Variants in RNF122 observed in about 807,000 individuals in gnomAD.
RNF122 encodes the protein ring finger protein 122.
A neutral mutation model predicts 24.2 loss-of-function variants in RNF122; 17 were observed. The observed-to-expected ratio is 0.70, with a 90% CI of 0.48 to 1.06. The LOEUF (loss-of-function observed/expected upper bound fraction) is 1.06, where lower values mean the gene tolerates loss of function less well. Ranked by LOEUF, RNF122 falls within the 50% of genes least tolerant of loss-of-function variation. The pLI is 0.00. For synonymous variants in RNF122, 65 were observed against 71.8 expected, an observed-to-expected ratio of 0.91 and a Z score of 0.48; for missense variants, 168 against 198.1, an observed-to-expected ratio of 0.85 and a Z score of 0.91.
chr8:33,556,197 A>G (rs1213917002), intron 2 of RNF122, among the ~76,000 whole-genome samples: 2 of 151,344 alleles, frequency 1.3e-5, no homozygotes, highest in African/African-American at 4.9e-5. Flanking sequence ...AAAAAAAAAA[A>G]AAAAAAAGAA....
chr8:33,566,925 A>T lies in RNF122; in HGVS notation c.-202T>A. The T allele has an allele frequency of 1.6e-6, 1 of 620,746 alleles. No individual in the cohort carries two copies. Among genetic ancestry groups the T allele is most frequent in the Non-Finnish European group, 2.9e-6 (1 of 347,296 alleles). The allele number at this position is 620,746 out of a possible 1,614,324, so 38.5% of individuals were successfully genotyped here. On this transcript the variant is annotated 5_prime_UTR_variant, in exon 1 of 6. Coordinates refer to ENST00000256257, the MANE Select transcript of RNF122 (RefSeq NM_024787.3). ...TTCAGCCCAACAAAGAGGGACGAGG[A>T]GGAAACAAACAAAGTCCCGCGGAGC... is the stretch of plus-strand genomic sequence containing the variant.
intron 1 of RNF122, among the ~76,000 whole-genome samples, chr8:33,563,365 A>G (rs1810569937): frequency 6.6e-6 from 1 of 152,246 alleles, no homozygotes; most frequent in Admixed American, 6.5e-5. Context: ...CCAGTCAACC[A>G]GCAAGTATTA....
chr8:33,559,088 G>A (rs1385590004), intron 1 of RNF122, among the ~76,000 whole-genome samples: 1 of 151,968 alleles, frequency 6.6e-6, no homozygotes, highest in African/African-American at 2.4e-5. Context: ...GTGATCTCGA[G>A]GCCAAGAGTT....
intron 2 of RNF122, among the ~76,000 whole-genome samples, chr8:33,552,985 C>A (rs926786189): frequency 6.6e-6 from 1 of 150,998 alleles, no homozygotes; most frequent in African/African-American, 2.4e-5. Flanking sequence ...GCATAAGCAT[C>A]GCTTGAACCC....
chr8:33,560,114 T>C (rs1810518490), intron 1 of RNF122, among the ~76,000 whole-genome samples: 1 of 152,116 alleles, frequency 6.6e-6, no homozygotes, highest in East Asian at 1.9e-4. Flanking sequence ...GGTGCTGGGA[T>C]TACAGGCATG....
chr8:33,566,565 G>A (rs925389368), intron 1 of RNF122, 134 bp downstream of exon 1: 4 of 864,934 alleles, frequency 4.6e-6, no homozygotes, highest in African/African-American at 3.4e-5. Flanking sequence ...GCGCCAAGAC[G>A]CCTTCTCGAC....
chr8:33,567,062 C>A lies in RNF122; in HGVS notation c.-339G>T. ...CCTCGGCCGGGGGAGGAGGGAAAAACCTTTGCCGGAGGCTCGGATCGGGTT... is the reference window on the plus strand; with the variant it reads ...CCTCGGCCGGGGGAGGAGGGAAAAAACTTTGCCGGAGGCTCGGATCGGGTT... On this transcript the variant is annotated 5_prime_UTR_variant, in exon 1 of 6. Transcript: ENST00000256257. 1 of 378,734 alleles carries A rather than the reference C, an allele frequency of 2.6e-6. No homozygotes were observed. The allele number at this position is 378,734 out of a possible 1,614,324, so 23.5% of individuals were successfully genotyped here.
intron 2 of RNF122, among the ~76,000 whole-genome samples, chr8:33,553,070 CAA>C (rs34104851): frequency 3.6e-4 from 37 of 103,448 alleles, no homozygotes; most frequent in Admixed American, 5.9e-4. Context: ...GACCCTGTCT[CAA>C]AAAAAAAAAA....
At chr8:33,560,150 C>G (rs771041918) in intron 1 of RNF122, among the ~76,000 whole-genome samples, 1 of 151,938 alleles carries the variant, frequency 6.6e-6, no homozygotes, top group Non-Finnish European at 1.5e-5. Flanking sequence ...CCAGGACCTA[C>G]GTTTTAACAA....
intron 1 of RNF122, among the ~76,000 whole-genome samples, chr8:33,565,280 TG>T (rs1236088840): frequency 6.6e-6 from 1 of 151,958 alleles, no homozygotes; most frequent in Non-Finnish European, 1.5e-5. Flanking sequence ...GAAGGCGGGG[TG>T]GGGGGATGTG....
chr8:33,565,128 C>G (rs1445301295), intron 1 of RNF122, among the ~76,000 whole-genome samples: 1 of 152,148 alleles, frequency 6.6e-6, no homozygotes, highest in East Asian at 1.9e-4. Context: ...GCTTCTCTTT[C>G]CCAGCCAACG....
chr8:33,564,852 A>G (rs1019867056), intron 1 of RNF122, among the ~76,000 whole-genome samples: 1 of 152,210 alleles, frequency 6.6e-6, no homozygotes, highest in Non-Finnish European at 1.5e-5. Flanking sequence ...AGCCTGGACA[A>G]CAAGAGCGAA....
intron 2 of RNF122, among the ~76,000 whole-genome samples, 163 bp from the exon 3 acceptor site, chr8:33,551,552 G>A (rs1353192961): frequency 6.6e-6 from 1 of 152,160 alleles, no homozygotes; most frequent in Non-Finnish European, 1.5e-5. Context: ...AACAAGGGTT[G>A]ATAAAGGACT....
At chr8:33,549,658 T>C (rs898852323) in intron 4 of RNF122, among the ~76,000 whole-genome samples, 166 bp from the exon 5 acceptor site, 4 of 152,238 alleles carry the variant, frequency 2.6e-5, no homozygotes, top group African/African-American at 9.6e-5. Flanking sequence ...ATTAACCATA[T>C]GTGGCTGTTT....
intron 4 of RNF122, among the ~76,000 whole-genome samples, 168 bp from the exon 5 acceptor site, chr8:33,549,660 T>C (rs188760467): frequency 1.0e-3 from 156 of 152,344 alleles, no homozygotes; most frequent in African/African-American, 3.7e-3. Flanking sequence ...TAACCATATG[T>C]GGCTGTTTAA....
Position 33,566,706 on chromosome 8 carries a change from C to A in RNF122, c.18G>T (p.Trp6Cys). The change falls in exon 1 of 6, where the codon TGG (tryptophan) becomes TGT (cysteine). Residue 6 changes from tryptophan (W) to cysteine (C), a missense_variant. Coordinates refer to ENST00000256257, the MANE Select transcript of RNF122 (RefSeq NM_024787.3). MHPFQ[W>C]CNGCFCGLGL... is the part of the protein sequence containing the mutation. Reference sequence around the variant, plus strand: ...CTCGCCCCGGGGACTCACCGTTACACCACTGGAATGGGTGCATCAATGAAG... The same window carrying A: ...CTCGCCCCGGGGACTCACCGTTACAACACTGGAATGGGTGCATCAATGAAG... The A allele has an allele frequency of 6.2e-7, 1 of 1,605,350 alleles. No individual in the cohort carries two copies. The highest frequency in any genetic ancestry group is 1.1e-5 in the South Asian group (1 of 88,982).
chr8:33,551,308 G>A lies in RNF122; in HGVS notation c.228+36C>T. 4 of 1,611,960 alleles carry A rather than the reference G, an allele frequency of 2.5e-6. No individual in the cohort carries two copies. In the South Asian group the frequency reaches 4.4e-5, roughly 18 times the overall value. ...TTGCCTCTTCCTATCAGGTCAGGCA[G>A]AGAAGGAAGCTTCTGGGAAACACGC... is the stretch of plus-strand genomic sequence containing the variant. On this transcript the variant is annotated intron_variant, in intron 3 of 5. Coordinates refer to ENST00000256257, the MANE Select transcript of RNF122 (RefSeq NM_024787.3).
intron 2 of RNF122, among the ~76,000 whole-genome samples, chr8:33,552,403 A>G (rs946847326): frequency 6.6e-6 from 1 of 151,878 alleles, no homozygotes; most frequent in Non-Finnish European, 1.5e-5. Flanking sequence ...CTGTCTCATA[A>G]AAATAAAAAA....
chr8:33,566,576 T>C, intron 1 of RNF122, 123 bp downstream of exon 1: 2 of 993,078 alleles, frequency 2.0e-6, no homozygotes. Flanking sequence ...CCTTCTCGAC[T>C]GTCCCATTTC....
Sources: gnomAD v4.1 joint callset for allele counts (sites outside exome capture counted in the v4.1 genomes callset) on GRCh38, gnomAD v4.1.1 for gene constraint, MANE v1.5 for transcripts, NCBI Gene and HGNC (gene_info 2026-07-23, HGNC 2026-07-21) for gene names.